The following FREM1 variants were observed in gnomAD, a reference collection of about 807,000 sequenced individuals.
The protein encoded by FREM1 is FRAS1-related extracellular matrix protein 1.
FREM1 carries 220 observed loss-of-function variants against 210.1 expected under a neutral mutation model. That is an observed-to-expected ratio of 1.05 (90% confidence interval 0.94 to 1.17). FREM1 has a LOEUF of 1.17. Among genes scored for constraint, FREM1 ranks in the 50% most tolerant of loss-of-function variants. The pLI is 0.00. For synonymous variants in FREM1, 1,189 were observed against 980.2 expected (o/e 1.21, Z -3.98); for missense variants, 3,454 against 2,675.5 (o/e 1.29, Z -6.42).
Position 14,814,725 on chromosome 9 carries a change from G to C in FREM1, c.2641-1661C>G, listed in dbSNP as rs528062057. On this transcript the variant is annotated intron_variant, in intron 15 of 36. Transcript: ENST00000380880. ...CCATCTTGCAGCCGTTCACAAAAGAGTCTCAGCTTTCAAATGAATAATAAA... is the reference window on the plus strand; with the variant it reads ...CCATCTTGCAGCCGTTCACAAAAGACTCTCAGCTTTCAAATGAATAATAAA... Among the ~76,000 whole-genome samples, 3 of 152,208 alleles carry C rather than the reference G, an allele frequency of 2.0e-5. No homozygotes were observed. In the East Asian group the frequency reaches 5.8e-4, roughly 29 times the overall value.
chr9:14,806,586 T>C (rs1181940484), intron 18 of FREM1, 75 bp downstream of exon 18: 3 of 887,670 alleles, frequency 3.4e-6, no homozygotes, highest in Admixed American at 2.1e-5. Flanking sequence ...TACAAAGTTA[T>C]TAAGCATGAC....
intron 3 of FREM1, among the ~76,000 whole-genome samples, chr9:14,860,924 T>TACAC (rs1481675636): frequency 7.7e-6 from 1 of 129,484 alleles, no homozygotes; most frequent in Non-Finnish European, 1.5e-5. Context: ...TATACACATA[T>TACAC]ATACACATAT....
intron 1 of FREM1, among the ~76,000 whole-genome samples, chr9:14,879,473 C>A (rs762938379): frequency 3.3e-5 from 5 of 152,118 alleles, no homozygotes; most frequent in Non-Finnish European, 4.4e-5. Flanking sequence ...TATTGCCACA[C>A]AACACTGAGA....
Position 14,868,780 on chromosome 9 carries a change from C to G in FREM1, c.198G>C (p.Glu66Asp). 6.2e-7 allele frequency: 1 copy of G among 1,612,804 alleles called. No homozygotes were observed. The highest frequency in any genetic ancestry group is 8.5e-7 in the Non-Finnish European group (1 of 1,179,418). The change falls in exon 2 of 37, where the codon GAG becomes GAC. Residue 66 changes from glutamate to aspartate, a missense_variant. Coordinates refer to ENST00000380880, the MANE Select transcript of FREM1 (RefSeq NM_001379081.2). ...GTTTCCCAACCCTCTGGGTTATTGG[C>G]TCATTCATCACAACTTCCACTTTGC... ...DACKVEVVMN[E>D]PITQRVGKLT...
rs143027984 is a variant in FREM1, at chr9:14,773,694, A to T, written c.4857+2095T>A. Among the ~76,000 whole-genome samples the T allele has an allele frequency of 9.9e-5, 15 of 152,116 alleles. No individual in the cohort carries two copies. The East Asian group carries it at 2.7e-3, about 27-fold the overall frequency. ...TATGTCCAACATTTTCCTATCAGTA[A>T]ATTCCACAACTTCCAATAGATAACT... On this transcript the variant is annotated intron_variant, in intron 25 of 36. Transcript: ENST00000380880.
chr9:14,872,513 G>A (rs1327668295), intron 1 of FREM1, among the ~76,000 whole-genome samples: 1 of 152,148 alleles, frequency 6.6e-6, no homozygotes, highest in East Asian at 1.9e-4. Context: ...TTTGTATATT[G>A]ATTTTGTATC....
intron 35 of FREM1, among the ~76,000 whole-genome samples, chr9:14,744,818 A>C (rs1288805791): frequency 6.6e-6 from 1 of 152,208 alleles, no homozygotes; most frequent in African/African-American, 2.4e-5. Flanking sequence ...AGAAACTGTA[A>C]GACAGTTCTA....
At chr9:14,791,004 C>T (rs1851205552) in intron 22 of FREM1, 1 of 152,162 alleles carries the variant, frequency 6.6e-6, no homozygotes, top group Non-Finnish European at 1.5e-5. Flanking sequence ...TCAAGCTGTT[C>T]CACATAGAAT....
intron 19 of FREM1, among the ~76,000 whole-genome samples, chr9:14,803,926 T>G (rs1306212466): frequency 6.6e-6 from 1 of 152,184 alleles, no homozygotes; most frequent in Non-Finnish European, 1.5e-5. Context: ...TAAAGCAACT[T>G]AAAATATGTT....
chr9:14,870,878 C>G (rs1178559688), intron 1 of FREM1, among the ~76,000 whole-genome samples: 8 of 142,272 alleles, frequency 5.6e-5, no homozygotes, highest in Non-Finnish European at 4.5e-5. Flanking sequence ...TTGTTCAATT[C>G]CCACCTATGA....
intron 35 of FREM1, among the ~76,000 whole-genome samples, chr9:14,742,985 C>G (rs989722378): frequency 3.3e-5 from 5 of 152,142 alleles, no homozygotes; most frequent in Non-Finnish European, 7.4e-5. Flanking sequence ...CCTTGAACCT[C>G]TTTTTAAAAT....
chr9:14,860,009 C>G (rs1045999824), intron 3 of FREM1, among the ~76,000 whole-genome samples: 1 of 152,098 alleles, frequency 6.6e-6, no homozygotes, highest in African/African-American at 2.4e-5. Context: ...ATCCACTTAG[C>G]AACTTTAATC....
chr9:14,807,636 G>A (rs1818621497), intron 17 of FREM1, among the ~76,000 whole-genome samples: 1 of 151,670 alleles, frequency 6.6e-6, no homozygotes, highest in Non-Finnish European at 1.5e-5. Flanking sequence ...GAATATTTGA[G>A]GATTGCAATG....
intron 1 of FREM1, among the ~76,000 whole-genome samples, chr9:14,871,573 G>C (rs542407781): frequency 7.9e-5 from 12 of 152,046 alleles, no homozygotes; most frequent in Admixed American, 2.0e-4. Context: ...CAAATGAGTA[G>C]GTTGCGAAAA....
chr9:14,860,717 A>ATATATGCACATATATATG (rs1564100674), intron 3 of FREM1, among the ~76,000 whole-genome samples: 3 of 81,710 alleles, frequency 3.7e-5, no homozygotes, highest in African/African-American at 1.6e-4. Context: ...ACACATATAT[A>ATATATGCACATATATATG]CACATATATA....
chr9:14,852,267 G>A (rs988263322), intron 5 of FREM1, among the ~76,000 whole-genome samples: 11 of 152,196 alleles, frequency 7.2e-5, no homozygotes, highest in Admixed American at 5.2e-4. Flanking sequence ...ATTGGGGATT[G>A]CAAGTGGCCA....
chr9:14,772,188 C>T (rs1847690457), intron 25 of FREM1, among the ~76,000 whole-genome samples: 1 of 151,672 alleles, frequency 6.6e-6, no homozygotes, highest in Admixed American at 6.6e-5. Context: ...GGTAGGGGTG[C>T]AAAACAGTGA....
intron 1 of FREM1, among the ~76,000 whole-genome samples, chr9:14,904,377 T>G (rs571151878): frequency 6.6e-6 from 1 of 152,274 alleles, no homozygotes; most frequent in East Asian, 1.9e-4. Context: ...TTAACTGTTA[T>G]CACTGAGGAC....
At chr9:14,907,724 A>G (rs750390143) in intron 1 of FREM1, among the ~76,000 whole-genome samples, 4 of 152,260 alleles carry the variant, frequency 2.6e-5, no homozygotes, top group Non-Finnish European at 4.4e-5. Context: ...ATTTTTGAAG[A>G]AAAGCAATTA....
Sources: allele counts gnomAD v4.1 joint callset (sites outside exome capture counted in the v4.1 genomes callset), GRCh38; gene constraint gnomAD v4.1.1; transcripts MANE v1.5; gene names NCBI Gene and HGNC (gene_info 2026-07-23, HGNC 2026-07-21).